Variants in SP4 observed in about 807,000 individuals in gnomAD.
SP4 encodes Sp4 transcription factor, also known as transcription factor Sp4.
Under a neutral mutation model 72.8 loss-of-function variants are expected in SP4, and 19 were observed. That is an observed-to-expected ratio of 0.26 (90% CI 0.18 to 0.38). SP4 has a LOEUF of 0.38. SP4 is among the 10% of genes least tolerant of loss of function. The pLI is 1.00. For missense variants in SP4, 1,008 were observed against 926.3 expected (o/e 1.09, Z -1.14); for synonymous variants, 395 against 333.1 (o/e 1.19, Z -2.02).
intron 5 of SP4, among the ~76,000 whole-genome samples, chr7:21,510,593 T>G (rs1782116805): frequency 6.6e-6 from 1 of 152,194 alleles, no homozygotes; most frequent in Non-Finnish European, 1.5e-5. Context: ...TTGAAATAGT[T>G]CCAAGATATT....
chr7:21,443,511 C>A (rs1783324757), intron 3 of SP4, among the ~76,000 whole-genome samples: 2 of 152,244 alleles, frequency 1.3e-5, no homozygotes, highest in South Asian at 4.1e-4. Flanking sequence ...TATGTAGATG[C>A]CTTTTAATGT....
At chr7:21,458,782 C>T (rs933345663) in intron 3 of SP4, among the ~76,000 whole-genome samples, 7 of 152,010 alleles carry the variant, frequency 4.6e-5, no homozygotes, top group Admixed American at 2.6e-4. Flanking sequence ...ACCCCCTTCC[C>T]GCTCCCCTCC....
chr7:21,496,567 C>G (rs565083131), intron 5 of SP4, among the ~76,000 whole-genome samples: 2 of 152,298 alleles, frequency 1.3e-5, no homozygotes, highest in South Asian at 4.1e-4. Flanking sequence ...TCTAGATTTT[C>G]TCTTTGTCTT....
chr7:21,508,401 C>T (rs1782060801), intron 5 of SP4, among the ~76,000 whole-genome samples: 1 of 152,198 alleles, frequency 6.6e-6, no homozygotes, highest in South Asian at 2.1e-4. Context: ...CCAAATCTCA[C>T]TGCAACCTCC....
At chr7:21,493,181 CAG>C (rs1785022948) in intron 5 of SP4, among the ~76,000 whole-genome samples, 1 of 140,338 alleles carries the variant, frequency 7.1e-6, no homozygotes, top group Admixed American at 7.3e-5. Context: ...GCCTGGACGA[CAG>C]AGTGAGATTC....
chr7:21,430,538 C>T lies in SP4; in HGVS notation c.1373C>T (p.Ala458Val). ...AVNPTQVLIR[A>V]PTLTPSGQIS... is the part of the protein sequence containing the mutation. ...AATCCGACTCAGGTGCTTATCAGGG[C>T]TCCAACTTTAACACCTTCAGGGCAA... is the stretch of plus-strand genomic sequence containing the variant. The change falls in exon 3 of 6, where the codon GCT (alanine) becomes GTT (valine). Residue 458 changes from alanine (A) to valine (V), a missense_variant. Transcript: ENST00000222584. The T allele has an allele frequency of 6.8e-6, 11 of 1,614,220 alleles. No individual in the cohort carries two copies. The highest frequency in any genetic ancestry group is 9.3e-6 in the Non-Finnish European group (11 of 1,180,040).
intron 3 of SP4, among the ~76,000 whole-genome samples, chr7:21,441,272 T>C (rs1446703817): frequency 6.6e-6 from 1 of 152,140 alleles, no homozygotes; most frequent in Non-Finnish European, 1.5e-5. Context: ...CTGCTAAACT[T>C]GGAATGAGCT....
intron 5 of SP4, among the ~76,000 whole-genome samples, chr7:21,502,032 C>T (rs1411352742): frequency 2.4e-5 from 3 of 123,210 alleles, no homozygotes; most frequent in Admixed American, 1.0e-4. Context: ...GCCTTAAATT[C>T]ATTAGGCACC....
At chr7:21,443,240 G>A (rs972371992) in intron 3 of SP4, among the ~76,000 whole-genome samples, 1 of 152,148 alleles carries the variant, frequency 6.6e-6, no homozygotes, top group African/African-American at 2.4e-5. Flanking sequence ...AAAGGACACA[G>A]GTGGAGAACT....
intron 3 of SP4, among the ~76,000 whole-genome samples, chr7:21,452,352 G>A (rs931478492): frequency 2.0e-5 from 3 of 152,142 alleles, no homozygotes; most frequent in Non-Finnish European, 4.4e-5. Flanking sequence ...CTCAGATAAG[G>A]CTTTTTAAAA....
intron 3 of SP4, among the ~76,000 whole-genome samples, chr7:21,451,231 G>A (rs73265620): frequency 6.6e-4 from 101 of 152,234 alleles, no homozygotes; most frequent in African/African-American, 2.1e-3. Context: ...GAGCTCACTC[G>A]TCCAACTCCT....
chr7:21,430,176 A>G lies in SP4; in HGVS notation c.1011A>G (p.Thr337=), dbSNP rs761606153. Residue 337 remains threonine, a synonymous_variant, in exon 3 of 6, where the codon ACA becomes ACG. Coordinates refer to ENST00000222584, the MANE Select transcript of SP4 (RefSeq NM_003112.5). ...TASTSLTSSD[T]LVSSADTGQY... Reference sequence around the variant, plus strand: ...CAACGTCTTTGACAAGCAGTGACACATTAGTGAGCTCAGCAGATACTGGCC... The same window carrying G: ...CAACGTCTTTGACAAGCAGTGACACGTTAGTGAGCTCAGCAGATACTGGCC... 7 of 1,614,206 alleles carry G rather than the reference A, an allele frequency of 4.3e-6. No homozygotes were observed. The highest frequency in any genetic ancestry group is 1.6e-4 in the Middle Eastern group (1 of 6,062).
chr7:21,489,001 T>C (rs920082182), intron 5 of SP4, among the ~76,000 whole-genome samples: 3 of 152,204 alleles, frequency 2.0e-5, no homozygotes, highest in African/African-American at 7.2e-5. Flanking sequence ...ACTAGTGTTA[T>C]AGGGATCTTT....
intron 3 of SP4, among the ~76,000 whole-genome samples, chr7:21,435,893 A>G (rs1422496148): frequency 6.6e-6 from 1 of 151,910 alleles, no homozygotes; most frequent in East Asian, 1.9e-4. Context: ...TAGCAAAGGA[A>G]AATAGAGTTT....
Position 21,428,145 on chromosome 7 carries a change from C to T in SP4, c.-107C>T. On this transcript the variant is annotated 5_prime_UTR_variant, in exon 1 of 6. Coordinates refer to ENST00000222584, the MANE Select transcript of SP4 (RefSeq NM_003112.5). ...AGCCTGTGCCAGCTACAGCCTCCTC[C>T]GAGCCACCGCGGGCGGGCGGGACCG... 1.4e-6 allele frequency: 1 copy of T among 732,804 alleles called. No individual in the cohort carries two copies. Among genetic ancestry groups the T allele is most frequent in the Non-Finnish European group, 2.5e-6 (1 of 399,564 alleles). 45.4% of individuals were successfully genotyped at this position (732,804 alleles called of 1,614,324 possible). A position where few individuals can be genotyped will look rare whatever the true frequency, so the allele number is the denominator to read the frequency against.
intron 5 of SP4, among the ~76,000 whole-genome samples, chr7:21,507,139 G>T (rs1341038724): frequency 6.6e-6 from 1 of 152,102 alleles, no homozygotes; most frequent in African/African-American, 2.4e-5. Context: ...CTAGGAATTG[G>T]TCCAGATGGT....
intron 3 of SP4, among the ~76,000 whole-genome samples, chr7:21,460,356 G>C (rs1456083450): frequency 6.6e-6 from 1 of 152,116 alleles, no homozygotes; most frequent in East Asian, 1.9e-4. Flanking sequence ...GAGTGTTACA[G>C]CTCTTAAGGC....
chr7:21,433,897 C>G (rs149724463), intron 3 of SP4, among the ~76,000 whole-genome samples: 1 of 151,824 alleles, frequency 6.6e-6, no homozygotes, highest in Non-Finnish European at 1.5e-5. Flanking sequence ...GAGCCGAGAT[C>G]GCGCCATTGC....
intron 3 of SP4, among the ~76,000 whole-genome samples, chr7:21,472,274 A>T (rs572580783): frequency 3.4e-4 from 52 of 151,148 alleles, no homozygotes; most frequent in Non-Finnish European, 4.4e-4. Flanking sequence ...ATTTTGTTTG[A>T]TTGTTTGTTT....
Sources: allele counts gnomAD v4.1 joint callset (sites outside exome capture counted in the v4.1 genomes callset), GRCh38; gene constraint gnomAD v4.1.1; transcripts MANE v1.5; gene names NCBI Gene and HGNC (gene_info 2026-07-23, HGNC 2026-07-21).